IQCB1: variants seen among roughly 807,000 people sequenced by gnomAD.
IQCB1 encodes the protein IQ motif containing B1, also known as IQ calmodulin-binding motif-containing protein 1.
In IQCB1, 56 loss-of-function variants were observed where a neutral mutation model predicts 84.4. The observed-to-expected ratio is 0.66, with a 90% CI of 0.54 to 0.83. The LOEUF (loss-of-function observed/expected upper bound fraction) is 0.83. Ranked by LOEUF, IQCB1 falls within the 40% of genes least tolerant of loss-of-function variation. The pLI is 0.00. For missense variants in IQCB1, 629 were observed against 682.1 expected, an observed-to-expected ratio of 0.92 and a Z score of 0.87; for synonymous variants, 210 against 234.8, an observed-to-expected ratio of 0.89 and a Z score of 0.96.
intron 6 of IQCB1, among the ~76,000 whole-genome samples, chr3:121,808,445 A>G (rs1008927112): frequency 2.0e-5 from 3 of 151,964 alleles, no homozygotes; most frequent in Non-Finnish European, 4.4e-5. Flanking sequence ...TATATCTCTC[A>G]ATGTAAACAG....
chr3:121,792,661 CAAAAA>C (rs56685889), intron 10 of IQCB1, among the ~76,000 whole-genome samples: 1 of 76,188 alleles, frequency 1.3e-5, no homozygotes, highest in East Asian at 3.9e-4. Context: ...GACTCCGTCT[CAAAAA>C]AAAAAAAAAA....
chr3:121,770,233 G>T lies in IQCB1; in HGVS notation c.*112C>A. 1.4e-6 allele frequency: 1 copy of T among 721,864 alleles called. No individual in the cohort carries two copies. The highest frequency in any genetic ancestry group is 2.4e-6 in the Non-Finnish European group (1 of 411,456). The allele number at this position is 721,864 out of a possible 1,614,324, so 44.7% of individuals were successfully genotyped here. A position where few individuals can be genotyped will look rare whatever the true frequency, so the allele number is the denominator to read the frequency against. ...CTTACTGCAGGTCTTGTCTGGAGGAGAACCTCTGGAAAATAATAAGTTAGG... is the reference window on the plus strand; with the variant it reads ...CTTACTGCAGGTCTTGTCTGGAGGATAACCTCTGGAAAATAATAAGTTAGG... On this transcript the variant is annotated 3_prime_UTR_variant, in exon 15 of 15. Coordinates refer to ENST00000310864, the MANE Select transcript of IQCB1 (RefSeq NM_001023570.4).
chr3:121,817,934 G>C (rs1334422682), intron 5 of IQCB1, among the ~76,000 whole-genome samples: 2 of 152,122 alleles, frequency 1.3e-5, no homozygotes, highest in Non-Finnish European at 2.9e-5. Context: ...ACACAAGAGA[G>C]TGGCTGTCTG....
intron 10 of IQCB1, among the ~76,000 whole-genome samples, chr3:121,791,406 C>T (rs1452524478): frequency 6.6e-6 from 1 of 152,130 alleles, no homozygotes; most frequent in African/African-American, 2.4e-5. Flanking sequence ...TAAATTCTTC[C>T]ATCAATTACA....
intron 13 of IQCB1, among the ~76,000 whole-genome samples, chr3:121,776,336 G>T (rs1948226665): frequency 6.6e-6 from 1 of 152,130 alleles, no homozygotes; most frequent in Admixed American, 6.6e-5. Flanking sequence ...TGTCTATATG[G>T]ACATATATTT....
intron 12 of IQCB1, among the ~76,000 whole-genome samples, chr3:121,782,574 C>A (rs953762531): frequency 1.3e-5 from 2 of 151,880 alleles, no homozygotes; most frequent in African/African-American, 4.8e-5. Flanking sequence ...TTTCATTTTA[C>A]ATTGTTAATT....
At position 121,782,867 on chromosome 3, in the gene IQCB1, G is replaced by A. The variant is rs539271287; in HGVS notation, c.1279-993C>T. On this transcript the variant is annotated intron_variant, in intron 12 of 14. Coordinates refer to ENST00000310864, the MANE Select transcript of IQCB1 (RefSeq NM_001023570.4). The stretch of plus-strand genomic sequence containing the variant: ...GCTAATTTTTGTATTTTTTAGTAGA[G>A]ATGGGATTTCACCATGTTAGCCAGG... Among the ~76,000 whole-genome samples the A allele has an allele frequency of 2.6e-5, 4 of 152,236 alleles. No homozygotes were observed. In the East Asian group the frequency reaches 7.7e-4, roughly 29 times the overall value.
Position 121,769,780 on chromosome 3 carries a change from T to G in IQCB1, c.*565A>C. ...AGTACATTATGTAGTTCTCACAGTT[T>G]AATAGAAAGAATGCATTTTTTTGGT... On this transcript the variant is annotated 3_prime_UTR_variant, in exon 15 of 15. Transcript: ENST00000310864. 2 of 153,330 alleles carry G rather than the reference T, an allele frequency of 1.3e-5. No homozygotes were observed. The highest frequency in any genetic ancestry group is 2.9e-5 in the Non-Finnish European group (2 of 68,766). The allele number at this position is 153,330 out of a possible 1,614,324, so 9.5% of individuals were successfully genotyped here. A position where few individuals can be genotyped will look rare whatever the true frequency, so the allele number is the denominator to read the frequency against.
Position 121,770,072 on chromosome 3 carries a change from C to T in IQCB1, c.*273G>A, listed in dbSNP as rs1425812025. On this transcript the variant is annotated 3_prime_UTR_variant, in exon 15 of 15. Transcript: ENST00000310864. Reference sequence around the variant, plus strand: ...AAACAGAAGAAACCAAAGAAAAACACACTTCATGTAAACAACAGAACACTA... The same window carrying T: ...AAACAGAAGAAACCAAAGAAAAACATACTTCATGTAAACAACAGAACACTA... 2 of 264,082 alleles carry T rather than the reference C, an allele frequency of 7.6e-6. No homozygotes were observed. The highest frequency in any genetic ancestry group is 7.2e-6 in the Non-Finnish European group (1 of 139,412). 16.4% of individuals were successfully genotyped at this position (264,082 alleles called of 1,614,324 possible). A position where few individuals can be genotyped will look rare whatever the true frequency, so the allele number is the denominator to read the frequency against.
At chr3:121,821,397 C>G (rs1175181149) in intron 5 of IQCB1, among the ~76,000 whole-genome samples, 1 of 152,172 alleles carries the variant, frequency 6.6e-6, no homozygotes, top group East Asian at 1.9e-4. Context: ...CTCATATTTC[C>G]AAATCTCATC....
intron 2 of IQCB1, among the ~76,000 whole-genome samples, chr3:121,833,686 A>G (rs1208710277): frequency 1.3e-5 from 2 of 152,248 alleles, no homozygotes; most frequent in African/African-American, 4.8e-5. Flanking sequence ...TATATGTTAA[A>G]TGCTAAATAG....
intron 5 of IQCB1, among the ~76,000 whole-genome samples, chr3:121,818,743 G>A (rs752718706): frequency 1.3e-5 from 2 of 152,144 alleles, no homozygotes; most frequent in African/African-American, 4.8e-5. Flanking sequence ...AGGCAATAAA[G>A]GTCAGAAGAT....
chr3:121,814,007 G>C (rs543440944), intron 5 of IQCB1, among the ~76,000 whole-genome samples: 1 of 152,018 alleles, frequency 6.6e-6, no homozygotes, highest in Admixed American at 6.6e-5. Flanking sequence ...TTCTAAAATC[G>C]ACCACATAAT....
intron 8 of IQCB1, 107 bp from the exon 9 acceptor site, chr3:121,797,334 T>C: frequency 1.7e-6 from 1 of 575,594 alleles, no homozygotes; most frequent in Non-Finnish European, 3.0e-6. Context: ...TAAAAACAAA[T>C]GAAAACAAGA....
Position 121,835,004 on chromosome 3 carries a change from G to T in IQCB1, c.-140C>A. ...CGCGTTCTTCCACTAAAGAACCTGGGGCTCCCACGCCGCACTACAGCGCCG... is the reference window on the plus strand; with the variant it reads ...CGCGTTCTTCCACTAAAGAACCTGGTGCTCCCACGCCGCACTACAGCGCCG... On this transcript the variant is annotated 5_prime_UTR_variant, in exon 1 of 15. Transcript: ENST00000310864. The T allele has an allele frequency of 2.8e-6, 1 of 362,580 alleles. No individual in the cohort carries two copies. Among genetic ancestry groups the T allele is most frequent in the Non-Finnish European group, 4.8e-6 (1 of 208,332 alleles). 22.5% of individuals were successfully genotyped at this position (362,580 alleles called of 1,614,324 possible).
At chr3:121,825,219 C>T (rs1950423173) in intron 5 of IQCB1, among the ~76,000 whole-genome samples, 1 of 152,042 alleles carries the variant, frequency 6.6e-6, no homozygotes, top group East Asian at 1.9e-4. Context: ...TGCCACCATG[C>T]CCGGCTAATT....
chr3:121,801,581 A>G (rs1403941326), intron 7 of IQCB1, among the ~76,000 whole-genome samples: 1 of 152,098 alleles, frequency 6.6e-6, no homozygotes, highest in Non-Finnish European at 1.5e-5. Context: ...GCTTTTTAAA[A>G]ATATAATTGA....
At chr3:121,803,903 C>T (rs1949508417) in intron 7 of IQCB1, among the ~76,000 whole-genome samples, 1 of 152,094 alleles carries the variant, frequency 6.6e-6, no homozygotes, top group Non-Finnish European at 1.5e-5. Flanking sequence ...ATCTGTCAAT[C>T]TGTCTTTTAA....
chr3:121,771,146 T>G (rs1339952743), intron 14 of IQCB1, among the ~76,000 whole-genome samples: 1 of 150,576 alleles, frequency 6.6e-6, no homozygotes, highest in African/African-American at 2.4e-5. Flanking sequence ...TAATTTTGTA[T>G]TTTTAGTAGA....
Sources: gnomAD v4.1 joint callset for allele counts (sites outside exome capture counted in the v4.1 genomes callset) on GRCh38, gnomAD v4.1.1 for gene constraint, MANE v1.5 for transcripts, NCBI Gene and HGNC (gene_info 2026-07-23, HGNC 2026-07-21) for gene names.